Variants in CDH18 observed in about 807,000 individuals in gnomAD.
CDH18 encodes cadherin 18.
A neutral mutation model predicts 67.9 loss-of-function variants in CDH18; 31 were observed. The ratio of observed to expected loss-of-function variants is 0.46; its 90% CI spans 0.34 to 0.62. The LOEUF is 0.62. Among genes scored for constraint, CDH18 ranks in the 20% least tolerant of loss-of-function variants. The pLI, the probability that CDH18 is intolerant of heterozygous loss-of-function variation, is 0.01. For synonymous variants in CDH18, 362 were observed against 347.2 expected (o/e 1.04, Z -0.48); for missense variants, 890 against 975.5 (o/e 0.91, Z 1.17).
chr5:20,097,637 A>C (rs1746105137), intron 2 of CDH18, among the ~76,000 whole-genome samples: 1 of 152,228 alleles, frequency 6.6e-6, no homozygotes, highest in African/African-American at 2.4e-5. Context: ...TTTATATTAT[A>C]ATCTACTTTT....
At chr5:19,584,793 C>CAAAAAAAAAAAAA (rs61297842) in intron 7 of CDH18, among the ~76,000 whole-genome samples, 218 of 74,846 alleles carry the variant, frequency 2.9e-3, no homozygotes, top group Non-Finnish European at 3.4e-3. Flanking sequence ...ACTAAAAATA[C>CAAAAAAAAAAAAA]AAAAAAAAAA....
At chr5:20,575,037 A>G (rs568586405) in intron 1 of CDH18, among the ~76,000 whole-genome samples, 1 of 152,248 alleles carries the variant, frequency 6.6e-6, no homozygotes, top group East Asian at 1.9e-4. Flanking sequence ...CTACGTCTGC[A>G]TAAAATATAA....
Position 20,095,463 on chromosome 5 carries a change from GAAA to G in CDH18, c.-517-103452_-517-103450del, listed in dbSNP as rs1561786383. Among the ~76,000 whole-genome samples, 106 of 98,588 alleles carry G rather than the reference GAAA, an allele frequency of 1.1e-3. 1 individual carries two copies. Among genetic ancestry groups the G allele is most frequent in the African/African-American group, 3.9e-3 (99 of 25,212 alleles). The allele number at this position is 98,588 out of a possible 152,430, so 64.7% of individuals were successfully genotyped here. ...AGAAAGAAAAGAAAGAAAGAAAGAA[GAAA>G]GAAGGAAGGAAGGAGAGAGAGAGGG... On this transcript the variant is annotated intron_variant, in intron 2 of 14. Coordinates refer to the CDH18 transcript ENST00000507958.
intron 5 of CDH18, among the ~76,000 whole-genome samples, chr5:19,650,373 T>C (rs1309829900): frequency 2.0e-5 from 3 of 152,176 alleles, no homozygotes; most frequent in South Asian, 4.1e-4. Flanking sequence ...TCACTTTTGT[T>C]AACTAATAAT....
At chr5:20,560,085 T>C (rs891888041) in intron 1 of CDH18, among the ~76,000 whole-genome samples, 1 of 152,122 alleles carries the variant, frequency 6.6e-6, no homozygotes, top group African/African-American at 2.4e-5. Flanking sequence ...AGCTGCTAAG[T>C]GCAGGTGAGA....
intron 2 of CDH18, among the ~76,000 whole-genome samples, chr5:20,007,674 TGTGTGTGTGTG>T (rs1737025057): frequency 1.5e-5 from 1 of 68,484 alleles, no homozygotes; most frequent in African/African-American, 3.0e-4. Flanking sequence ...GTGTGGAAAG[TGTGTGTGTGTG>T]TGTGTGTGTG....
intron 1 of CDH18, among the ~76,000 whole-genome samples, chr5:20,337,088 T>C (rs1346931001): frequency 2.0e-5 from 3 of 152,326 alleles, no homozygotes; most frequent in East Asian, 1.9e-4. Context: ...TCTGGAAACC[T>C]GATTTCAGAC....
chr5:19,782,894 T>G (rs1239372970), intron 3 of CDH18, among the ~76,000 whole-genome samples: 1 of 152,200 alleles, frequency 6.6e-6, no homozygotes. Flanking sequence ...TAATGAGGAC[T>G]AGATTTTTAT....
chr5:19,990,646 C>T (rs1168658478), upstream of CDH18, among the ~76,000 whole-genome samples: 13 of 152,212 alleles, frequency 8.5e-5, no homozygotes, highest in Non-Finnish European at 1.9e-4. Context: ...TGCATACACA[C>T]TGGGTTTAAA....
At chr5:19,531,952 A>T (rs2126987485) in intron 9 of CDH18, among the ~76,000 whole-genome samples, 1 of 152,298 alleles carries the variant, frequency 6.6e-6, no homozygotes, top group East Asian at 1.9e-4. Flanking sequence ...AGTTACCAGG[A>T]CTTGGAGGTG....
chr5:20,203,287 C>T (rs1739594271), intron 2 of CDH18, among the ~76,000 whole-genome samples: 1 of 152,070 alleles, frequency 6.6e-6, no homozygotes, highest in African/African-American at 2.4e-5. Context: ...AACCAGAGAC[C>T]AGGGGGTCAA....
At chr5:20,003,356 T>G (rs1218035684) in intron 2 of CDH18, among the ~76,000 whole-genome samples, 2 of 152,094 alleles carry the variant, frequency 1.3e-5, no homozygotes, top group African/African-American at 4.8e-5. Context: ...AAGATTAAAA[T>G]AGTCATTTTC....
intron 2 of CDH18, among the ~76,000 whole-genome samples, chr5:20,105,231 C>T (rs990887904): frequency 6.6e-6 from 1 of 152,306 alleles, no homozygotes; most frequent in South Asian, 2.1e-4. Flanking sequence ...AGCTGATCCA[C>T]CTGCCTAGGC....
chr5:19,596,158 T>C (rs1260111630), intron 6 of CDH18, among the ~76,000 whole-genome samples: 2 of 152,184 alleles, frequency 1.3e-5, no homozygotes, highest in African/African-American at 4.8e-5. Flanking sequence ...CTCTCTTTGG[T>C]GGCACAGCTA....
intron 1 of CDH18, among the ~76,000 whole-genome samples, chr5:20,438,042 C>T (rs530954608): frequency 1.1e-3 from 172 of 151,290 alleles, no homozygotes; most frequent in Admixed American, 2.6e-3. Context: ...ATAAACATTT[C>T]TTTGCAGTGA....
In CDH18 at chr5:20,285,027, T is replaced by C. The variant is rs981311126; in HGVS notation, c.-579-29522A>G. On this transcript the variant is annotated intron_variant, in intron 1 of 14. Coordinates refer to the CDH18 transcript ENST00000507958. ...TCAATACATCATAGAAATTATTCTA[T>C]GGTTATACATTTTGCCTAAACCGTT... Among the ~76,000 whole-genome samples, 15 of 151,940 alleles carry C rather than the reference T, an allele frequency of 9.9e-5. No homozygotes were observed. In the Admixed American group the frequency reaches 9.9e-4, roughly 10 times the overall value.
chr5:20,378,224 A>G (rs999303890), intron 1 of CDH18, among the ~76,000 whole-genome samples: 9 of 152,014 alleles, frequency 5.9e-5, no homozygotes, highest in Non-Finnish European at 1.2e-4. Context: ...TCCAAGCTGG[A>G]GTGCAGTGGT....
At chr5:20,295,875 T>TC (rs1055595617) in intron 1 of CDH18, among the ~76,000 whole-genome samples, 2 of 142,662 alleles carry the variant, frequency 1.4e-5, no homozygotes, top group Non-Finnish European at 3.1e-5. Context: ...TTTTTTTCTT[T>TC]TTTTTTTTTT....
Position 19,755,456 on chromosome 5 carries a change from TATACAC to T in CDH18, c.229-8226_229-8221del, listed in dbSNP as rs1232839192. On this transcript the variant is annotated intron_variant, in intron 3 of 12. Coordinates refer to ENST00000382275, the MANE Select transcript of CDH18 (RefSeq NM_004934.5). ...GTATATATATATATATATATATATA[TATACAC>T]ACACACACACACATACATAGATATA... Among the ~76,000 whole-genome samples, 105 of 17,546 alleles carry T rather than the reference TATACAC, an allele frequency of 6.0e-3. 9 individuals are homozygous for T. Among genetic ancestry groups the T allele is most frequent in the African/African-American group, 7.7e-3 (94 of 12,236 alleles). The allele number at this position is 17,546 out of a possible 152,430, so 11.5% of individuals were successfully genotyped here.
Sources: gnomAD v4.1 joint callset for allele counts (sites outside exome capture counted in the v4.1 genomes callset) on GRCh38, gnomAD v4.1.1 for gene constraint, MANE v1.5 for transcripts, NCBI Gene and HGNC (gene_info 2026-07-23, HGNC 2026-07-21) for gene names.